Variants in NR3C2 observed in about 807,000 individuals in gnomAD.
The protein encoded by NR3C2 is mineralocorticoid receptor.
NR3C2 carries 15 observed loss-of-function variants against 86.4 expected under a neutral mutation model. The ratio of observed to expected loss-of-function variants is 0.17; its 90% confidence interval spans 0.12 to 0.27. NR3C2 has a LOEUF of 0.27. Ranked by LOEUF, NR3C2 falls within the 10% of genes least tolerant of loss-of-function variation. The pLI is 1.00. For synonymous variants in NR3C2, 458 were observed against 450.5 expected, an observed-to-expected ratio of 1.02 and a Z score of -0.21; for missense variants, 960 against 1,195.6, an observed-to-expected ratio of 0.80 and a Z score of 2.91.
chr4:148,193,243 C>T (rs893414874), intron 4 of NR3C2, among the ~76,000 whole-genome samples: 1 of 152,164 alleles, frequency 6.6e-6, no homozygotes, highest in Non-Finnish European at 1.5e-5. Flanking sequence ...ACAAACAGAC[C>T]TTCAGCTTCT....
At chr4:148,131,970 T>C (rs1733063028) in intron 6 of NR3C2, among the ~76,000 whole-genome samples, 2 of 152,242 alleles carry the variant, frequency 1.3e-5, no homozygotes, top group South Asian at 4.1e-4. Context: ...AACTGTAATT[T>C]ACCAATGATA....
At chr4:148,291,068 G>T (rs1741775503) in intron 2 of NR3C2, among the ~76,000 whole-genome samples, 1 of 152,060 alleles carries the variant, frequency 6.6e-6, no homozygotes, top group African/African-American at 2.4e-5. Context: ...CTTATTGCAA[G>T]ATGGTACCCA....
At chr4:148,309,383 A>G (rs1188160810) in intron 2 of NR3C2, among the ~76,000 whole-genome samples, 1 of 152,218 alleles carries the variant, frequency 6.6e-6, no homozygotes, top group Non-Finnish European at 1.5e-5. Context: ...ATCTAGTAAG[A>G]AGAGACACAC....
intron 2 of NR3C2, among the ~76,000 whole-genome samples, chr4:148,301,469 T>C (rs143101095): frequency 3.9e-5 from 6 of 152,338 alleles, no homozygotes; most frequent in South Asian, 2.1e-4. Flanking sequence ...TATGGAAGGA[T>C]TGTAAACGTT....
At chr4:148,315,504 C>T (rs1743126699) in intron 2 of NR3C2, among the ~76,000 whole-genome samples, 1 of 152,214 alleles carries the variant, frequency 6.6e-6, no homozygotes, top group Admixed American at 6.5e-5. Context: ...TTTACACCCT[C>T]TGAATATTTT....
At chr4:148,208,869 GA>G (rs1244502596) in intron 3 of NR3C2, 2 of 152,090 alleles carry the variant, frequency 1.3e-5, no homozygotes, top group Non-Finnish European at 2.9e-5. Flanking sequence ...ATACAATAGA[GA>G]AAAATAATAA....
chr4:148,281,306 G>A (rs568897646), intron 2 of NR3C2, among the ~76,000 whole-genome samples: 5 of 152,194 alleles, frequency 3.3e-5, no homozygotes, highest in Admixed American at 1.3e-4. Flanking sequence ...AGGGAAAACC[G>A]TTTAAACTGT....
At chr4:148,406,763 C>T (rs1382634433) in intron 2 of NR3C2, among the ~76,000 whole-genome samples, 1 of 152,088 alleles carries the variant, frequency 6.6e-6, no homozygotes, top group Non-Finnish European at 1.5e-5. Context: ...AGAATGTTAA[C>T]ATAAAACAAT....
chr4:148,269,673 C>CA (rs1042141550), intron 2 of NR3C2, among the ~76,000 whole-genome samples: 16 of 151,622 alleles, frequency 1.1e-4, no homozygotes, highest in South Asian at 2.1e-4. Flanking sequence ...CAAAACAAAA[C>CA]AAAAAAAACA....
chr4:148,154,487 C>T (rs1165207665), intron 5 of NR3C2, 64 bp downstream of exon 5: 8 of 1,464,236 alleles, frequency 5.5e-6, no homozygotes, highest in East Asian at 2.3e-5. Context: ...TTGGAGATGG[C>T]GAAGTCAGTT....
At chr4:148,306,839 G>T (rs1742652766) in intron 2 of NR3C2, among the ~76,000 whole-genome samples, 1 of 152,038 alleles carries the variant, frequency 6.6e-6, no homozygotes, top group South Asian at 2.1e-4. Context: ...ATCTTATGGG[G>T]CAAATGAAAT....
intron 2 of NR3C2, among the ~76,000 whole-genome samples, chr4:148,266,377 G>A (rs1012997304): frequency 6.6e-6 from 1 of 152,184 alleles, no homozygotes; most frequent in African/African-American, 2.4e-5. Flanking sequence ...GGCCCAGAAG[G>A]CCTCTTTCTC....
intron 8 of NR3C2, among the ~76,000 whole-genome samples, chr4:148,097,950 T>C (rs762003945): frequency 3.3e-5 from 5 of 152,096 alleles, no homozygotes; most frequent in Non-Finnish European, 7.4e-5. Flanking sequence ...CATGAGAATA[T>C]GGCTTCTTCA....
chr4:148,352,841 C>A (rs1391564466), intron 2 of NR3C2, among the ~76,000 whole-genome samples: 1 of 152,008 alleles, frequency 6.6e-6, no homozygotes, highest in Non-Finnish European at 1.5e-5. Flanking sequence ...ACAAAGCAAA[C>A]CCCTAAAAAT....
At chr4:148,267,175 C>T (rs6836191) in intron 2 of NR3C2, among the ~76,000 whole-genome samples, 88,534 of 152,050 alleles carry the variant, frequency 0.58, 26,314 homozygotes, top group East Asian at 0.85. Flanking sequence ...GTAGATTACA[C>T]GACTCAGTAT....
At chr4:148,179,209 C>T (rs1735534966) in intron 4 of NR3C2, among the ~76,000 whole-genome samples, 1 of 151,384 alleles carries the variant, frequency 6.6e-6, no homozygotes, top group African/African-American at 2.4e-5. Flanking sequence ...GCTGGGGGTC[C>T]TGGCCCAAAG....
Position 148,435,804 on chromosome 4 carries a change from T to A in NR3C2, c.1057A>T (p.Ser353Cys), listed in dbSNP as rs556654855. 2 of 1,614,052 alleles carry A rather than the reference T, an allele frequency of 1.2e-6. No individual in the cohort carries two copies. The highest frequency in any genetic ancestry group is 2.7e-5 in the African/African-American group (2 of 74,916). ...YTASGTSAGS[S>C]TLRDVVPSPD... ...CTGGGAACCACATCCCGCAATGTAC[T>A]GGATCCAGCAGAGGTGCCAGAAGCA... The change falls in exon 2 of 9, where the codon AGT becomes TGT. Residue 353 changes from serine (S) to cysteine (C), a missense_variant. By Grantham distance (112) the Ser-to-Cys change is moderately radical (BLOSUM62 -1). Transcript: ENST00000358102.
chr4:148,436,325 G>A lies in NR3C2; in HGVS notation c.536C>T (p.Ala179Val). ...ACACATGATAGGGCTTTTAACAACG[G>A]CGCGCATGACGCCACCATTCACGGA... ...GSSVNGGVMR[A>V]VVKSPIMCHE... Residue 179 changes from alanine (A) to valine (V), a missense_variant, in exon 2 of 9, where the codon GCC becomes GTC. Ala to Val is a moderately conservative substitution (Grantham distance 64). This residue lies in a region of NR3C2 where 680 missense variants were observed against 719.0 expected (regional missense o/e 0.95). Coordinates refer to ENST00000358102, the MANE Select transcript of NR3C2 (RefSeq NM_000901.5). The A allele has an allele frequency of 6.2e-7, 1 of 1,614,144 alleles. No homozygotes were observed. Among genetic ancestry groups the A allele is most frequent in the Non-Finnish European group, 8.5e-7 (1 of 1,180,012 alleles).
At chr4:148,394,943 C>T (rs1747785494) in intron 2 of NR3C2, among the ~76,000 whole-genome samples, 1 of 152,008 alleles carries the variant, frequency 6.6e-6, no homozygotes, top group Admixed American at 6.5e-5. Context: ...AAAAGATCAA[C>T]TAAAGACGAA....
Sources: allele counts gnomAD v4.1 joint callset (sites outside exome capture counted in the v4.1 genomes callset), GRCh38; gene constraint gnomAD v4.1.1; regional missense constraint gnomAD v4.1.1; transcripts MANE v1.5; gene names NCBI Gene and HGNC (gene_info 2026-07-23, HGNC 2026-07-21).